The following TUBGCP5 variants were observed in gnomAD, a reference collection of about 807,000 sequenced individuals.
TUBGCP5 encodes tubulin gamma complex component 5, also known as gamma-tubulin complex component 5.
TUBGCP5 carries 98 observed loss-of-function variants against 134.7 expected under a neutral mutation model. The observed-to-expected ratio is 0.73, with a 90% confidence interval of 0.62 to 0.86. The LOEUF (loss-of-function observed/expected upper bound fraction) is 0.86, where lower values mean the gene tolerates loss of function less well. TUBGCP5 is among the 40% of genes least tolerant of loss of function. The pLI, the probability that TUBGCP5 is intolerant of heterozygous loss-of-function variation, is 0.00. For synonymous variants in TUBGCP5, 456 were observed against 431.4 expected, an observed-to-expected ratio of 1.06 and a Z score of -0.71; for missense variants, 1,150 against 1,244.8, an observed-to-expected ratio of 0.92 and a Z score of 1.15.
At chr15:23,002,884 C>CTT (rs11377608) in intron 21 of TUBGCP5, among the ~76,000 whole-genome samples, 181 bp downstream of exon 21, 19,921 of 145,510 alleles carry the variant, frequency 0.14, 1,726 homozygotes, top group East Asian at 0.46. Context: ...AATACTTGCA[C>CTT]TTTTTTTTTT....
rs1286413446 is a variant in TUBGCP5 at position 23,000,593 on chromosome 15, C to T, written c.3004G>A (p.Val1002Ile). ...MFLVTILNKA[V>I]CRGSFPHLES... ...CAATGGGGAAAGGATCCTCTACAGA[C>T]GGCTTTGTTTAAAATGGTTACAAGA... Residue 1002 changes from valine to isoleucine, a missense_variant, in exon 22 of 23, where the codon GTC becomes ATC. Val to Ile is a conservative substitution (Grantham distance 29). This residue lies in a region of TUBGCP5 where 697 missense variants were observed against 850.1 expected (regional missense o/e 0.82). Transcript: ENST00000615383. The T allele has an allele frequency of 1.1e-5, 18 of 1,611,680 alleles. No individual in the cohort carries two copies. Among genetic ancestry groups the T allele is most frequent in the Admixed American group, 1.7e-5 (1 of 59,856 alleles).
intron 11 of TUBGCP5, among the ~76,000 whole-genome samples, chr15:23,020,151 G>A (rs1011692840): frequency 6.6e-6 from 1 of 151,962 alleles, no homozygotes; most frequent in African/African-American, 2.4e-5. Context: ...GCTCATGCCT[G>A]TAATCCCAGC....
chr15:23,033,481 G>A (rs1366299112), intron 3 of TUBGCP5, among the ~76,000 whole-genome samples: 1 of 152,148 alleles, frequency 6.6e-6, no homozygotes, highest in East Asian at 1.9e-4. Context: ...GTTTCACCAT[G>A]TTGGCCAGGA....
intron 9 of TUBGCP5, 164 bp from the exon 10 acceptor site, chr15:23,024,357 G>A: frequency 1.3e-5 from 9 of 704,732 alleles, no homozygotes; most frequent in East Asian, 3.0e-5. Context: ...TATACACAAA[G>A]GAAAAAGTGA....
chr15:23,018,516 G>A (rs1334834657), intron 12 of TUBGCP5, among the ~76,000 whole-genome samples: 4 of 152,210 alleles, frequency 2.6e-5, no homozygotes, highest in Non-Finnish European at 4.4e-5. Flanking sequence ...ACAGATATGA[G>A]ATTGAGTTGA....
Position 23,024,806 on chromosome 15 carries a change from G to C in TUBGCP5, c.852C>G (p.Leu284=), listed in dbSNP as rs761303472. 2 of 1,595,260 alleles carry C rather than the reference G, an allele frequency of 1.3e-6. No individual in the cohort carries two copies. The highest frequency in any genetic ancestry group is 2.7e-5 in the African/African-American group (2 of 74,004). Reference sequence around the variant, plus strand: ...TCCCATCTATCAACTGAAATATAAAGAGCTTTTTCACTCCTGAAAGTAACC... The same window carrying C: ...TCCCATCTATCAACTGAAATATAAACAGCTTTTTCACTCCTGAAAGTAACC... ...TLWLLSGVKK[L]FIFQLIDGKV... The change falls in exon 9 of 23, where the codon CTC becomes CTG. Residue 284 remains leucine (L), a synonymous_variant. Transcript: ENST00000615383.
At chr15:23,018,904 A>G (rs2140521146) in intron 12 of TUBGCP5, among the ~76,000 whole-genome samples, 1 of 152,318 alleles carries the variant, frequency 6.6e-6, no homozygotes, top group Admixed American at 6.5e-5. Context: ...AGCTGAAACC[A>G]TATGATATCA....
At chr15:23,033,608 T>C in intron 3 of TUBGCP5, among the ~76,000 whole-genome samples, 1 of 152,346 alleles carries the variant, frequency 6.6e-6, no homozygotes, top group Middle Eastern at 3.4e-3. Flanking sequence ...TTTATCTGTA[T>C]AATAAATTCC....
At position 23,008,837 on chromosome 15, in the gene TUBGCP5, T is replaced by C; in HGVS notation, c.2189A>G (p.Glu730Gly). The C allele has an allele frequency of 6.3e-7, 1 of 1,580,140 alleles. No individual in the cohort carries two copies. Among genetic ancestry groups the C allele is most frequent in the East Asian group, 2.3e-5 (1 of 43,750 alleles). ...GAAGTCATACATGGTATCTCCTCCT[T>C]CCATTAAGAAAAAATTCCTCATAGC... ...LQAMRNFFLM[E>G]GGDTMYDFYT... Residue 730 changes from glutamate (E) to glycine (G), a missense_variant, in exon 16 of 23, where the codon GAA (glutamate) becomes GGA (glycine). Around this residue, in one of 2 missense-constraint regions of TUBGCP5, gnomAD observed 697 missense variants for 850.1 expected, o/e 0.82. Transcript: ENST00000615383.
At chr15:23,037,227 A>C (rs985888837) in intron 1 of TUBGCP5, 75 bp from the exon 2 acceptor site, 1 of 1,346,230 alleles carries the variant, frequency 7.4e-7, no homozygotes, top group African/African-American at 1.4e-5. Context: ...GGCCCTCCAT[A>C]TCCCCCATAT....
intron 7 of TUBGCP5, 100 bp from the exon 8 acceptor site, chr15:23,026,305 A>G (rs2140596653): frequency 1.0e-6 from 1 of 985,688 alleles, no homozygotes; most frequent in African/African-American, 1.6e-5. Flanking sequence ...TTAAGTAGCA[A>G]TCAACTAACA....
Position 23,037,168 on chromosome 15 carries a change from T to A in TUBGCP5, c.147-16A>T. 1.2e-6 allele frequency: 2 copies of A among 1,611,318 alleles called. No individual in the cohort carries two copies. The highest frequency in any genetic ancestry group is 1.7e-6 in the Non-Finnish European group (2 of 1,179,510). On this transcript the variant is annotated splice_polypyrimidine_tract_variant and intron_variant, in intron 1 of 22. Transcript: ENST00000615383. ...ACGATGAAATCTATTAAAGACAAAA[T>A]GCAATTCTTATGCCAACTCTGTCAC...
chr15:22,998,816 C>T (rs1258298531), downstream of TUBGCP5, among the ~76,000 whole-genome samples: 1 of 152,076 alleles, frequency 6.6e-6, no homozygotes, highest in Non-Finnish European at 1.5e-5. Flanking sequence ...GGGGTTTCAC[C>T]ACATTGGCCA....
At chr15:23,023,417 A>G (rs2065820131) in intron 10 of TUBGCP5, 1 of 154,314 alleles carries the variant, frequency 6.5e-6, no homozygotes, top group Non-Finnish European at 1.4e-5. Context: ...TTATCACTGC[A>G]GCACTACTGG....
rs2251602 is a variant in TUBGCP5 at position 23,003,264 on chromosome 15, T to C, written c.2839-111A>G. 303,133 of 990,306 alleles carry C rather than the reference T, an allele frequency of 0.31. 49,055 individuals are homozygous for C. The highest frequency in any genetic ancestry group is 0.36 in the South Asian group (23,969 of 66,626). 61.3% of individuals were successfully genotyped at this position (990,306 alleles called of 1,614,324 possible). On this transcript the variant is annotated intron_variant, in intron 20 of 22. Coordinates refer to ENST00000615383, the MANE Select transcript of TUBGCP5 (RefSeq NM_052903.6). ...AGAAAAAGTTCATCACCACAGTGAC[T>C]GCCTTCTGTGTATATGGAAGGGTAC...
intron 13 of TUBGCP5, among the ~76,000 whole-genome samples, chr15:23,014,080 A>G (rs1276277399): frequency 6.6e-6 from 1 of 152,190 alleles, no homozygotes; most frequent in Non-Finnish European, 1.5e-5. Flanking sequence ...CCCATCTTTG[A>G]GCTGGCCAAA....
intron 10 of TUBGCP5, 71 bp from the exon 11 acceptor site, chr15:23,022,232 G>T: frequency 6.6e-7 from 1 of 1,521,502 alleles, no homozygotes; most frequent in Non-Finnish European, 9.1e-7. Context: ...CATAAATGCT[G>T]GCAAATCATC....
At chr15:23,032,667 A>C (rs2066379479) in intron 4 of TUBGCP5, 61 bp downstream of exon 4, 1 of 1,169,520 alleles carries the variant, frequency 8.6e-7, no homozygotes. Flanking sequence ...AGTGTTTAGC[A>C]ACTAAGTAAT....
chr15:23,026,522 T>C (rs2065994927), intron 7 of TUBGCP5, among the ~76,000 whole-genome samples: 1 of 152,128 alleles, frequency 6.6e-6, no homozygotes, highest in African/African-American at 2.4e-5. Context: ...TGCCCTAATA[T>C]ATACCAATCC....
Sources: gnomAD v4.1 joint callset for allele counts (sites outside exome capture counted in the v4.1 genomes callset) on GRCh38, gnomAD v4.1.1 for gene constraint, gnomAD v4.1.1 regional missense constraint, MANE v1.5 for transcripts, NCBI Gene and HGNC (gene_info 2026-07-23, HGNC 2026-07-21) for gene names.